Variants in PJA2 observed in about 807,000 individuals in gnomAD.
PJA2 encodes the protein praja ring finger ubiquitin ligase 2.
A neutral mutation model predicts 69.3 loss-of-function variants in PJA2; 25 were observed. The observed-to-expected ratio is 0.36, with a 90% CI of 0.26 to 0.50. The LOEUF is 0.50. PJA2 is among the 20% of genes least tolerant of loss of function. The probability of loss-of-function intolerance (pLI) is 0.96; values close to 1 mark genes in which losing one functional copy is unlikely to be tolerated. For synonymous variants in PJA2, 308 were observed against 277.8 expected (o/e 1.11, Z -1.08); for missense variants, 809 against 830.2 (o/e 0.97, Z 0.31).
At chr5:109,341,582 C>G in intron 9 of PJA2, among the ~76,000 whole-genome samples, 1 of 141,250 alleles carries the variant, frequency 7.1e-6, no homozygotes, top group African/African-American at 2.7e-5. Context: ...GGCCAGCCGC[C>G]CCGTCCGGGA....
chr5:109,400,480 A>AGGGGCG (rs1747514337), intron 1 of PJA2, among the ~76,000 whole-genome samples: 1 of 18,312 alleles, frequency 5.5e-5, no homozygotes, highest in Non-Finnish European at 9.3e-5. Flanking sequence ...GCAAACCAGC[A>AGGGGCG]GGGGGAGGGG....
At chr5:109,409,625 G>A (rs1211558935) in intron 1 of PJA2, among the ~76,000 whole-genome samples, 1 of 151,986 alleles carries the variant, frequency 6.6e-6, no homozygotes, top group East Asian at 1.9e-4. Flanking sequence ...CGCGGCCCGG[G>A]TCCGGGCTGG....
intron 1 of PJA2, among the ~76,000 whole-genome samples, chr5:109,384,847 T>G (rs540462367): frequency 7.0e-4 from 106 of 152,288 alleles, no homozygotes; most frequent in African/African-American, 2.5e-3. Context: ...AGGGCGAGTC[T>G]TGCTCTGTCG....
chr5:109,345,983 A>C (rs546600847), intron 7 of PJA2, among the ~76,000 whole-genome samples: 1 of 152,274 alleles, frequency 6.6e-6, no homozygotes, highest in South Asian at 2.1e-4. Context: ...AACCTGTACA[A>C]TTACTTGCTC....
chr5:109,340,651 TC>T lies in PJA2; in HGVS notation c.2002-3296del, dbSNP rs1561338737. 3.2e-3 allele frequency among the ~76,000 whole-genome samples: 2 copies of T among 616 alleles called. 1 individual carries two copies. The highest frequency in any genetic ancestry group is 8.3e-3 in the African/African-American group (2 of 240). The allele number at this position is 616 out of a possible 152,430, so 0.4% of individuals were successfully genotyped here. On this transcript the variant is annotated intron_variant, in intron 9 of 9. Coordinates refer to ENST00000361189, the MANE Select transcript of PJA2 (RefSeq NM_014819.5). ...CTCCCCCTCCCCCTCCCCCTCCCCC[TC>T]CCCCTCCCCCTCCCCCTCCCTCTCC...
At position 109,356,028 on chromosome 5, in the gene PJA2, T is replaced by C; in HGVS notation, c.1653-2A>G. The C allele has an allele frequency of 6.3e-7, 1 of 1,578,428 alleles. No individual in the cohort carries two copies. Among genetic ancestry groups the C allele is most frequent in the Non-Finnish European group, 8.6e-7 (1 of 1,164,238 alleles). On this transcript the variant is annotated splice_acceptor_variant, in intron 6 of 9. Coordinates refer to ENST00000361189, the MANE Select transcript of PJA2 (RefSeq NM_014819.5). LOFTEE classifies it high-confidence loss of function. ...CCATCTGCAAAGCCATCAAATAGGC[T>C]GAAAAAAAAAAAAAATAACAGAAAA...
intron 1 of PJA2, among the ~76,000 whole-genome samples, chr5:109,394,039 C>CTTTTTTTTTT (rs75679188): frequency 2.4e-5 from 2 of 81,856 alleles, no homozygotes; most frequent in Non-Finnish European, 4.9e-5. Context: ...TTCTAATTCT[C>CTTTTTTTTTT]TTTTTTTTTT....
chr5:109,368,675 G>A lies in PJA2; in HGVS notation c.1355C>T (p.Ser452Phe). 6.2e-7 allele frequency: 1 copy of A among 1,614,110 alleles called. No individual in the cohort carries two copies. The highest frequency in any genetic ancestry group is 8.5e-7 in the Non-Finnish European group (1 of 1,179,994). The stretch of plus-strand genomic sequence containing the variant: ...AGTCTCCCAGCTTTCATCACTTGAG[G>A]ATTGATCTTTTTCTGTACCAGAAAA... ...HRFSGTEKDQSSSDESWETLP... is the reference protein window; with the variant it reads ...HRFSGTEKDQFSSDESWETLP... Residue 452 changes from serine to phenylalanine, a missense_variant, in exon 5 of 10, where the codon TCC becomes TTC. By Grantham distance (155) the Ser-to-Phe change is radical (BLOSUM62 -2). Coordinates refer to ENST00000361189, the MANE Select transcript of PJA2 (RefSeq NM_014819.5).
chr5:109,353,555 TA>T (rs1255952648), intron 7 of PJA2, among the ~76,000 whole-genome samples: 4 of 142,560 alleles, frequency 2.8e-5, no homozygotes, highest in African/African-American at 1.0e-4. Context: ...ATCTATATAT[TA>T]GATATCTATA....
At chr5:109,390,403 C>T (rs115309543) in intron 1 of PJA2, among the ~76,000 whole-genome samples, 1,834 of 152,058 alleles carry the variant, frequency 0.012, 14 homozygotes, top group Non-Finnish European at 0.019. Flanking sequence ...ATAGCCACAT[C>T]AGCTTTCTTT....
chr5:109,379,478 T>A (rs944551012), intron 3 of PJA2, among the ~76,000 whole-genome samples: 1 of 152,208 alleles, frequency 6.6e-6, no homozygotes, highest in Admixed American at 6.5e-5. Context: ...CTCCCTCACA[T>A]GGCTTTGGCA....
chr5:109,367,326 C>G (rs1582604060), intron 5 of PJA2, among the ~76,000 whole-genome samples: 1 of 150,760 alleles, frequency 6.6e-6, no homozygotes, highest in African/African-American at 2.4e-5. Flanking sequence ...TAATCTCAAG[C>G]TGAAAATGTA....
At chr5:109,357,124 C>T (rs921290383) in intron 6 of PJA2, among the ~76,000 whole-genome samples, 2 of 152,108 alleles carry the variant, frequency 1.3e-5, no homozygotes, top group Non-Finnish European at 2.9e-5. Context: ...AAACTTCCCC[C>T]GAAGCTCTTG....
chr5:109,366,542 C>G (rs556405557), intron 5 of PJA2, among the ~76,000 whole-genome samples: 308 of 152,334 alleles, frequency 2.0e-3, no homozygotes, highest in African/African-American at 7.1e-3. Flanking sequence ...ACTTTAATAT[C>G]TTCATCATTT....
Position 109,334,879 on chromosome 5 carries a change from G to A in PJA2, c.*2352C>T, listed in dbSNP as rs1582572948. ...TGTATCTAACAAATACATAAATCCA[G>A]ATCACAAATAATCTTAAGAGTTAAA... On this transcript the variant is annotated 3_prime_UTR_variant, in exon 10 of 10. Transcript: ENST00000361189. The A allele has an allele frequency of 6.6e-6, 1 of 152,430 alleles. No individual in the cohort carries two copies. Among genetic ancestry groups the A allele is most frequent in the Admixed American group, 6.6e-5 (1 of 15,254 alleles). The allele number at this position is 152,430 out of a possible 1,614,324, so 9.4% of individuals were successfully genotyped here. A position where few individuals can be genotyped will look rare whatever the true frequency, so the allele number is the denominator to read the frequency against.
intron 7 of PJA2, among the ~76,000 whole-genome samples, chr5:109,348,333 C>T (rs557381496): frequency 1.3e-5 from 2 of 152,294 alleles, no homozygotes; most frequent in African/African-American, 4.8e-5. Context: ...CTAAAAGATG[C>T]TCTTGCTCCT....
At chr5:109,372,087 T>G (rs1582607932) in intron 4 of PJA2, among the ~76,000 whole-genome samples, 1 of 152,238 alleles carries the variant, frequency 6.6e-6, no homozygotes, top group African/African-American at 2.4e-5. Context: ...GCAATAGCCA[T>G]TAAGTCCTGA....
At chr5:109,408,439 G>T (rs911606544) in intron 1 of PJA2, among the ~76,000 whole-genome samples, 1 of 151,972 alleles carries the variant, frequency 6.6e-6, no homozygotes, top group Non-Finnish European at 1.5e-5. Flanking sequence ...AAAGTATTAG[G>T]GAGACCTATA....
At chr5:109,408,644 A>T (rs1018741996) in intron 1 of PJA2, among the ~76,000 whole-genome samples, 1 of 152,170 alleles carries the variant, frequency 6.6e-6, no homozygotes, top group African/African-American at 2.4e-5. Flanking sequence ...GGACTGGGGG[A>T]TGAAAAGAAA....
Sources: allele counts gnomAD v4.1 joint callset (sites outside exome capture counted in the v4.1 genomes callset), GRCh38; gene constraint gnomAD v4.1.1; transcripts MANE v1.5; gene names NCBI Gene and HGNC (gene_info 2026-07-23, HGNC 2026-07-21).